PCDHGA12: variants seen among roughly 807,000 people sequenced by gnomAD.
PCDHGA12 encodes protocadherin gamma-A12.
Under a neutral mutation model 61.1 loss-of-function variants are expected in PCDHGA12, and 43 were observed. The ratio of observed to expected loss-of-function variants is 0.70; its 90% confidence interval spans 0.55 to 0.91. The LOEUF (loss-of-function observed/expected upper bound fraction) is 0.91. Among genes scored for constraint, PCDHGA12 ranks in the 40% least tolerant of loss-of-function variants. The probability of loss-of-function intolerance (pLI) is 0.00; values close to 1 mark genes in which losing one functional copy is unlikely to be tolerated. For synonymous variants in PCDHGA12, 520 were observed against 542.9 expected (o/e 0.96, Z 0.59); for missense variants, 1,236 against 1,227.7 (o/e 1.01, Z -0.10).
chr5:141,508,737 C>T (rs919094477), intron 3 of PCDHGA12, among the ~76,000 whole-genome samples: 1 of 152,010 alleles, frequency 6.6e-6, no homozygotes, highest in Non-Finnish European at 1.5e-5. Flanking sequence ...CTACACCCCC[C>T]ACCCCGCTCT....
rs139832920 is a variant in PCDHGA12, at chr5:141,432,866, G to T, written c.2107G>T (p.Val703Phe). Residue 703 changes from valine to phenylalanine, a missense_variant, in exon 1 of 4, where the codon GTC becomes TTC. By Grantham distance (50) the Val-to-Phe change is conservative (BLOSUM62 -1). Coordinates refer to ENST00000252085, the MANE Select transcript of PCDHGA12 (RefSeq NM_003735.3). This position sits in a 1 kb window ranked among gnomAD's most constrained non-coding sequence, Gnocchi z 6.0. ...GGTAGCGGTGGCCGCGGTCTCCTGC[G>T]TCTTCCTGGCCTTCGTCATCTTGCT... ...LVVAVAAVSCVFLAFVILLLA... is the reference protein window; with the variant it reads ...LVVAVAAVSCFFLAFVILLLA... The T allele has an allele frequency of 1.9e-6, 3 of 1,614,034 alleles. No individual in the cohort carries two copies. The African/African-American group carries it at 4.0e-5, about 22-fold the overall frequency.
chr5:141,450,085 C>T (rs997781052), intron 1 of PCDHGA12, among the ~76,000 whole-genome samples: 3 of 149,208 alleles, frequency 2.0e-5, no homozygotes, highest in Non-Finnish European at 4.4e-5. Context: ...TGGCTCACTG[C>T]AACCTCCGCC....
At chr5:141,470,872 T>TTTTTTG (rs900302332) in intron 1 of PCDHGA12, among the ~76,000 whole-genome samples, 2 of 151,814 alleles carry the variant, frequency 1.3e-5, no homozygotes, top group Admixed American at 1.3e-4. Context: ...GTTTGTTTGT[T>TTTTTTG]TTTTTGTTTT....
intron 1 of PCDHGA12, among the ~76,000 whole-genome samples, chr5:141,447,851 C>A (rs961725006): frequency 6.6e-6 from 1 of 151,980 alleles, no homozygotes; most frequent in African/African-American, 2.4e-5. Flanking sequence ...TTTGGGAGGC[C>A]GAGGTGGGTG....
chr5:141,477,564 A>T lies in PCDHGA12; in HGVS notation c.2425-17243A>T. 2 of 1,613,924 alleles carry T rather than the reference A, an allele frequency of 1.2e-6. No individual in the cohort carries two copies. The highest frequency in any genetic ancestry group is 1.7e-6 in the Non-Finnish European group (2 of 1,179,980). On this transcript the variant is annotated intron_variant, in intron 1 of 3. Coordinates refer to ENST00000252085, the MANE Select transcript of PCDHGA12 (RefSeq NM_003735.3). The surrounding 1 kb of genome is among the most constrained non-coding windows in gnomAD (Gnocchi z 4.9). ...CCAATACTAAACCTAAGTGTCTGGG[A>T]CCCCGACGCCCCGCAGAATGCTCGG... is the stretch of plus-strand genomic sequence containing the variant.
chr5:141,485,938 A>G lies in PCDHGA12; in HGVS notation c.2425-8869A>G. The stretch of plus-strand genomic sequence containing the variant: ...ACAGGATTAGTGTGTTGGAGAGCGC[A>G]CCAGCGGGCATGGTGCTCATCCAGC... On this transcript the variant is annotated intron_variant, in intron 1 of 3. Transcript: ENST00000252085. The surrounding 1 kb of genome is among the most constrained non-coding windows in gnomAD (Gnocchi z 5.7). 6.2e-7 allele frequency: 1 copy of G among 1,614,162 alleles called. No individual in the cohort carries two copies. The highest frequency in any genetic ancestry group is 1.3e-5 in the African/African-American group (1 of 75,028).
Position 141,489,375 on chromosome 5 carries a change from G to C in PCDHGA12, c.2425-5432G>C. On this transcript the variant is annotated intron_variant, in intron 1 of 3. Coordinates refer to ENST00000252085, the MANE Select transcript of PCDHGA12 (RefSeq NM_003735.3). The surrounding 1 kb of genome is among the most constrained non-coding windows in gnomAD (Gnocchi z 4.5). ...AGGAGTCTGAGCCGGGGACGCTGGT[G>C]GGGAATGTTGCTCAGGATCTGGGCT... 1 of 1,613,826 alleles carries C rather than the reference G, an allele frequency of 6.2e-7. No homozygotes were observed.
rs1379023118 is a variant in PCDHGA12, at chr5:141,487,609, G to A, written c.2425-7198G>A. ...GCCCACCCTCTGATCTTCTCTATGG[G>A]CTAGAGGTGAGACCTTTGCAGGCTC... On this transcript the variant is annotated intron_variant, in intron 1 of 3. Transcript: ENST00000252085. The surrounding 1 kb of genome is among the most constrained non-coding windows in gnomAD (Gnocchi z 5.0). 1 of 1,614,202 alleles carries A rather than the reference G, an allele frequency of 6.2e-7. No individual in the cohort carries two copies. The highest frequency in any genetic ancestry group is 1.1e-5 in the South Asian group (1 of 91,084).
chr5:141,466,646 T>C (rs954003023), intron 1 of PCDHGA12, among the ~76,000 whole-genome samples: 11 of 152,210 alleles, frequency 7.2e-5, no homozygotes, highest in African/African-American at 2.4e-4. Context: ...CATAAACTTT[T>C]CACAAAACAT....
chr5:141,501,132 G>T (rs371444727), intron 2 of PCDHGA12, among the ~76,000 whole-genome samples: 2 of 152,262 alleles, frequency 1.3e-5, no homozygotes, highest in East Asian at 3.9e-4. Flanking sequence ...CTCCCTAAGT[G>T]CTGGGATTAC....
intron 1 of PCDHGA12, among the ~76,000 whole-genome samples, chr5:141,482,811 C>T (rs1397161943): frequency 2.0e-5 from 3 of 152,164 alleles, no homozygotes; most frequent in Non-Finnish European, 4.4e-5. Context: ...GTGGCTCATG[C>T]CTGTAATCCT....
At chr5:141,500,866 A>C (rs576713520) in intron 2 of PCDHGA12, among the ~76,000 whole-genome samples, 1 of 146,112 alleles carries the variant, frequency 6.8e-6, no homozygotes, top group Non-Finnish European at 1.5e-5. Context: ...AAACATACAC[A>C]TTCATTTACA....
intron 1 of PCDHGA12, among the ~76,000 whole-genome samples, chr5:141,466,776 C>T (rs2099129231): frequency 6.6e-6 from 1 of 152,104 alleles, no homozygotes; most frequent in African/African-American, 2.4e-5. Flanking sequence ...TTATCTTATT[C>T]TTCTTAGTGC....
Position 141,430,966 on chromosome 5 carries a change from A to G in PCDHGA12, c.207A>G (p.Arg69=). 1.2e-6 allele frequency: 2 copies of G among 1,612,916 alleles called. No homozygotes were observed. Reference sequence around the variant, plus strand: ...AGCGCGGAGTCCGCATCATCCCCAGAGGTAGGACGCAGCTTTTCGCCCTGA... The same window carrying G: ...AGCGCGGAGTCCGCATCATCCCCAGGGGTAGGACGCAGCTTTTCGCCCTGA... ...LAERGVRIIP[R]GRTQLFALNP... is the part of the protein sequence containing the mutation. The change falls in exon 1 of 4, where the codon AGA becomes AGG. Residue 69 remains arginine, a synonymous_variant. Transcript: ENST00000252085.
intron 3 of PCDHGA12, among the ~76,000 whole-genome samples, chr5:141,506,484 C>T (rs1489425559): frequency 6.6e-6 from 1 of 150,566 alleles, no homozygotes; most frequent in Non-Finnish European, 1.5e-5. Context: ...GCTTTAGAGG[C>T]AGGCCAATCT....
intron 3 of PCDHGA12, among the ~76,000 whole-genome samples, chr5:141,510,147 C>T (rs1416633745): frequency 1.3e-5 from 2 of 151,984 alleles, no homozygotes; most frequent in Non-Finnish European, 2.9e-5. Flanking sequence ...GTGGTGTGCA[C>T]CTGTAATCTC....
intron 1 of PCDHGA12, among the ~76,000 whole-genome samples, chr5:141,468,246 A>G (rs2099161183): frequency 6.7e-6 from 1 of 149,754 alleles, no homozygotes; most frequent in South Asian, 2.1e-4. Context: ...AATTGCCTGA[A>G]CCTGGGAGGC....
rs199625514 is a variant in PCDHGA12 at position 141,485,144 on chromosome 5, G to C, written c.2425-9663G>C. The C allele has an allele frequency of 6.4e-7, 1 of 1,564,190 alleles. No homozygotes were observed. Among genetic ancestry groups the C allele is most frequent in the African/African-American group, 1.4e-5 (1 of 74,034 alleles). ...CGGGTCGGCTTCATCCGCGTCTCAG[G>C]AGCAAGTAGAGAATTAGCGGGCGGC... On this transcript the variant is annotated intron_variant, in intron 1 of 3. Coordinates refer to ENST00000252085, the MANE Select transcript of PCDHGA12 (RefSeq NM_003735.3). The surrounding 1 kb of genome is among the most constrained non-coding windows in gnomAD (Gnocchi z 5.7).
intron 3 of PCDHGA12, 61 bp downstream of exon 3, chr5:141,505,542 A>G (rs2099846540): frequency 6.2e-7 from 1 of 1,604,832 alleles, no homozygotes; most frequent in African/African-American, 1.3e-5. Context: ...GGTGCATCTC[A>G]CAGCCACCAT....
Sources: gnomAD v4.1 joint callset for allele counts (sites outside exome capture counted in the v4.1 genomes callset) on GRCh38, gnomAD v4.1.1 for gene constraint, Gnocchi (gnomAD v3.1) non-coding constraint, MANE v1.5 for transcripts, NCBI Gene and HGNC (gene_info 2026-07-23, HGNC 2026-07-21) for gene names.